Variants in PDHX observed in about 807,000 individuals in gnomAD.
The protein encoded by PDHX is pyruvate dehydrogenase protein X component, mitochondrial.
In PDHX, 33 loss-of-function variants were observed where a neutral mutation model predicts 55.3. The observed-to-expected ratio is 0.60, with a 90% CI of 0.45 to 0.80. The LOEUF is 0.80. Ranked by LOEUF, PDHX falls within the 30% of genes least tolerant of loss-of-function variation. The pLI, the probability that PDHX is intolerant of heterozygous loss-of-function variation, is 0.00. For synonymous variants in PDHX, 226 were observed against 219.4 expected, an observed-to-expected ratio of 1.03 and a Z score of -0.27; for missense variants, 622 against 619.9, an observed-to-expected ratio of 1.00 and a Z score of -0.04.
chr11:34,994,793 C>T, intron 10 of PDHX, 121 bp from the exon 11 acceptor site: 1 of 993,302 alleles, frequency 1.0e-6, no homozygotes, highest in Non-Finnish European at 1.6e-6. Flanking sequence ...TTTTTCATTA[C>T]TCATATATTT....
At chr11:34,922,863 G>A (rs1255776642) in intron 1 of PDHX, among the ~76,000 whole-genome samples, 1 of 91,198 alleles carries the variant, frequency 1.1e-5, no homozygotes, top group Non-Finnish European at 2.1e-5. Flanking sequence ...CCAAAGTATC[G>A]TTGTGTGTGT....
At chr11:34,920,971 C>T (rs1853864392) in intron 1 of PDHX, among the ~76,000 whole-genome samples, 1 of 152,146 alleles carries the variant, frequency 6.6e-6, no homozygotes, top group Non-Finnish European at 1.5e-5. Context: ...AGTGCTATAA[C>T]CAGGAGAGAG....
chr11:34,979,082 T>C (rs1405533190), intron 8 of PDHX, among the ~76,000 whole-genome samples: 3 of 152,084 alleles, frequency 2.0e-5, no homozygotes, highest in Non-Finnish European at 4.4e-5. Flanking sequence ...ATTTGTGTTA[T>C]GTTTCAAAAG....
chr11:34,918,776 C>T (rs1185160971), intron 1 of PDHX, among the ~76,000 whole-genome samples: 1 of 152,210 alleles, frequency 6.6e-6, no homozygotes, highest in East Asian at 1.9e-4. Flanking sequence ...GTAGGAGCTG[C>T]ATTCTTTTCT....
At chr11:34,992,469 A>AT in intron 10 of PDHX, 90 bp downstream of exon 10, 1 of 714,288 alleles carries the variant, frequency 1.4e-6, no homozygotes, top group Non-Finnish European at 2.4e-6. Flanking sequence ...TATCTGAAAT[A>AT]TTTTTTAAAA....
At chr11:34,920,695 T>A (rs1488389754) in intron 1 of PDHX, among the ~76,000 whole-genome samples, 1 of 152,208 alleles carries the variant, frequency 6.6e-6, no homozygotes, top group Non-Finnish European at 1.5e-5. Flanking sequence ...CTGTATTACA[T>A]CTTAGCAAGG....
intron 1 of PDHX, among the ~76,000 whole-genome samples, chr11:34,925,041 G>A (rs1158241475): frequency 6.6e-6 from 1 of 152,138 alleles, no homozygotes; most frequent in African/African-American, 2.4e-5. Context: ...TTGTTTGTTA[G>A]CTTTCTTTTT....
intron 7 of PDHX, chr11:34,977,688 A>G (rs1434569321): frequency 2.2e-6 from 1 of 446,726 alleles, no homozygotes; most frequent in Non-Finnish European, 4.5e-6. Context: ...TATAATCAGT[A>G]TGTTATAAAG....
At chr11:34,955,752 A>T (rs1277350483) in intron 3 of PDHX, among the ~76,000 whole-genome samples, 1 of 152,154 alleles carries the variant, frequency 6.6e-6, no homozygotes, top group African/African-American at 2.4e-5. Flanking sequence ...CCACTTTCAG[A>T]TGTAGTACAG....
intron 2 of PDHX, among the ~76,000 whole-genome samples, chr11:34,946,318 T>C (rs1243519602): frequency 6.6e-6 from 1 of 152,324 alleles, no homozygotes; most frequent in East Asian, 1.9e-4. Context: ...GTGATGGCTC[T>C]TTTACTTTCA....
intron 9 of PDHX, 116 bp downstream of exon 9, chr11:34,984,844 G>A: frequency 1.0e-6 from 1 of 977,046 alleles, no homozygotes; most frequent in South Asian, 1.3e-5. Flanking sequence ...TGTGTGAAGG[G>A]GAGAGTTATT....
intron 8 of PDHX, among the ~76,000 whole-genome samples, chr11:34,981,399 A>G (rs1006163456): frequency 2.0e-5 from 3 of 151,968 alleles, no homozygotes; most frequent in Non-Finnish European, 2.9e-5. Flanking sequence ...CCAGTCTATC[A>G]TTGTTGGACA....
At chr11:34,994,800 A>ATTTTTTTT in intron 10 of PDHX, 114 bp from the exon 11 acceptor site, 1 of 1,103,234 alleles carries the variant, frequency 9.1e-7, no homozygotes, top group Non-Finnish European at 1.4e-6. Context: ...TTACTCATAT[A>ATTTTTTTT]TTTTTTTCTT....
At chr11:34,971,397 GA>G (rs1435173281) in intron 7 of PDHX, among the ~76,000 whole-genome samples, 2 of 152,102 alleles carry the variant, frequency 1.3e-5, no homozygotes, top group African/African-American at 4.8e-5. Flanking sequence ...GATTTTGGGG[GA>G]AAAGCATTCA....
chr11:34,925,529 C>G (rs1853997620), intron 1 of PDHX, among the ~76,000 whole-genome samples: 3 of 151,974 alleles, frequency 2.0e-5, no homozygotes, highest in African/African-American at 7.3e-5. Flanking sequence ...CATTTTTAAA[C>G]TTAGTGTTAG....
At chr11:34,981,851 T>A (rs1855520599) in intron 8 of PDHX, among the ~76,000 whole-genome samples, 1 of 152,224 alleles carries the variant, frequency 6.6e-6, no homozygotes, top group African/African-American at 2.4e-5. Flanking sequence ...TAGGGTTGTT[T>A]GTTTTTTTCT....
rs145250992 is a variant in PDHX at position 34,949,918 on chromosome 11, A to G, written c.342+2312A>G. Among the ~76,000 whole-genome samples the G allele has an allele frequency of 7.7e-3, 1,168 of 152,284 alleles. 14 individuals are homozygous for G. The highest frequency in any genetic ancestry group is 0.027 in the African/African-American group (1,115 of 41,564). On this transcript the variant is annotated intron_variant, in intron 3 of 10. Coordinates refer to ENST00000227868, the MANE Select transcript of PDHX (RefSeq NM_003477.3). ...AATTTTCAAAAGTAGAATTTTTTCT[A>G]AAAAATAGCATCCATGGATATTAAA...
intron 4 of PDHX, 33 bp from the exon 5 acceptor site, chr11:34,960,387 T>C (rs773111855): frequency 1.3e-5 from 17 of 1,325,586 alleles, no homozygotes; most frequent in Admixed American, 1.7e-5. Flanking sequence ...TAAGTGTTAA[T>C]TGGTTCTATT....
intron 7 of PDHX, among the ~76,000 whole-genome samples, chr11:34,977,614 A>T (rs1855407775): frequency 6.6e-6 from 1 of 152,110 alleles, no homozygotes; most frequent in Non-Finnish European, 1.5e-5. Context: ...ATTTTCGAAC[A>T]CTTTCCCATA....
Sources: gnomAD v4.1 joint callset for allele counts (sites outside exome capture counted in the v4.1 genomes callset) on GRCh38, gnomAD v4.1.1 for gene constraint, MANE v1.5 for transcripts, NCBI Gene and HGNC (gene_info 2026-07-23, HGNC 2026-07-21) for gene names.